ADK: variants seen among roughly 807,000 people sequenced by gnomAD.
The protein encoded by ADK is adenosine kinase, also known as N6,N6-dimethyladenosine kinase.
A neutral mutation model predicts 44.7 loss-of-function variants in ADK; 24 were observed. The ratio of observed to expected loss-of-function variants is 0.54; its 90% CI spans 0.39 to 0.76. ADK has a LOEUF of 0.76. Among genes scored for constraint, ADK ranks in the 30% least tolerant of loss-of-function variants. The pLI, the probability that ADK is intolerant of heterozygous loss-of-function variation, is 0.00. For synonymous variants in ADK, 128 were observed against 142.6 expected (o/e 0.90, Z 0.73); for missense variants, 321 against 425.1 (o/e 0.76, Z 2.15).
At chr10:74,311,405 G>GC (rs1271584898) in intron 3 of ADK, among the ~76,000 whole-genome samples, 1 of 152,126 alleles carries the variant, frequency 6.6e-6, no homozygotes, top group Non-Finnish European at 1.5e-5. Flanking sequence ...GACTAATTCT[G>GC]CTATTCTTCA....
intron 4 of ADK, among the ~76,000 whole-genome samples, chr10:74,356,340 T>G (rs1299442502): frequency 1.3e-5 from 2 of 152,168 alleles, no homozygotes; most frequent in Non-Finnish European, 2.9e-5. Context: ...TGTTAATACC[T>G]CAACCATATC....
chr10:74,691,803 AT>A (rs1025448343), intron 10 of ADK, among the ~76,000 whole-genome samples: 8 of 152,088 alleles, frequency 5.3e-5, no homozygotes, highest in Non-Finnish European at 7.4e-5. Context: ...AATACTAAGA[AT>A]TTTTTTTAAT....
chr10:74,211,846 T>C (rs1219759629), intron 2 of ADK, among the ~76,000 whole-genome samples: 3 of 152,302 alleles, frequency 2.0e-5, no homozygotes, highest in Admixed American at 2.0e-4. Context: ...TCTTTTTATA[T>C]GTTTATATTT....
At chr10:74,377,311 A>C (rs1302646727) in intron 4 of ADK, among the ~76,000 whole-genome samples, 1 of 152,218 alleles carries the variant, frequency 6.6e-6, no homozygotes, top group East Asian at 1.9e-4. Flanking sequence ...GGATTAGATC[A>C]AAAGTAGCCA....
rs1477975545 is a variant in ADK, at chr10:74,350,984, A to G, written c.273+36239A>G. Among the ~76,000 whole-genome samples the G allele has an allele frequency of 2.0e-5, 3 of 152,194 alleles. No individual in the cohort carries two copies. In the East Asian group the frequency reaches 5.8e-4, roughly 29 times the overall value. On this transcript the variant is annotated intron_variant, in intron 4 of 10. Coordinates refer to ENST00000539909, the MANE Select transcript of ADK (RefSeq NM_006721.4). ...CCAGGACCATACAGATTCACATCCGAATTCTACCAGAGGTTCAAAGAGGAG... is the reference window on the plus strand; with the variant it reads ...CCAGGACCATACAGATTCACATCCGGATTCTACCAGAGGTTCAAAGAGGAG...
intron 6 of ADK, among the ~76,000 whole-genome samples, chr10:74,509,064 A>G (rs1288310382): frequency 6.6e-6 from 1 of 152,108 alleles, no homozygotes; most frequent in Non-Finnish European, 1.5e-5. Flanking sequence ...TCCTGGCCTC[A>G]CCCTATCCTC....
At chr10:74,445,454 A>G (rs1482158249) in intron 6 of ADK, among the ~76,000 whole-genome samples, 1 of 152,028 alleles carries the variant, frequency 6.6e-6, no homozygotes, top group East Asian at 1.9e-4. Flanking sequence ...AGTAATTCCT[A>G]CATTCCTTAT....
At chr10:74,177,584 A>G (rs1326480172) in intron 1 of ADK, among the ~76,000 whole-genome samples, 1 of 152,168 alleles carries the variant, frequency 6.6e-6, no homozygotes, top group Non-Finnish European at 1.5e-5. Flanking sequence ...ACTTTCTCCC[A>G]GTAGCCTTGA....
At chr10:74,541,799 C>T (rs1262543706) in intron 7 of ADK, among the ~76,000 whole-genome samples, 1 of 132,728 alleles carries the variant, frequency 7.5e-6, no homozygotes, top group East Asian at 2.5e-4. Context: ...CACACACCCC[C>T]CCCCCCTAAA....
At chr10:74,271,320 A>C (rs1846419855) in intron 3 of ADK, among the ~76,000 whole-genome samples, 2 of 152,064 alleles carry the variant, frequency 1.3e-5, no homozygotes, top group South Asian at 4.2e-4. Context: ...TTAAGCATTT[A>C]ACTTATTTAC....
rs573679937 is a variant in ADK, at chr10:74,566,269, C to T, written c.727-23013C>T. On this transcript the variant is annotated intron_variant, in intron 7 of 10. Transcript: ENST00000539909. ...TCACCCAGGCTAGAGTGCAGTGGCA[C>T]GATCACAGCTCACTGCAGCCTCCAA... Among the ~76,000 whole-genome samples the T allele has an allele frequency of 2.3e-3, 323 of 143,506 alleles. 1 individual carries two copies. The highest frequency in any genetic ancestry group is 8.3e-3 in the African/African-American group (310 of 37,500). The allele number at this position is 143,506 out of a possible 152,430, so 94.1% of individuals were successfully genotyped here. A position where few individuals can be genotyped will look rare whatever the true frequency, so the allele number is the denominator to read the frequency against.
intron 4 of ADK, among the ~76,000 whole-genome samples, chr10:74,391,514 C>T (rs1397179190): frequency 1.3e-5 from 2 of 151,652 alleles, no homozygotes; most frequent in Admixed American, 1.3e-4. Context: ...TATATACATT[C>T]TAATATATGT....
At chr10:74,370,130 T>C (rs1245930965) in intron 4 of ADK, among the ~76,000 whole-genome samples, 1 of 152,190 alleles carries the variant, frequency 6.6e-6, no homozygotes. Flanking sequence ...AAAATAAGTG[T>C]GCAGATTCTT....
chr10:74,313,939 C>G (rs1459233281), intron 3 of ADK, among the ~76,000 whole-genome samples: 1 of 151,788 alleles, frequency 6.6e-6, no homozygotes, highest in African/African-American at 2.4e-5. Flanking sequence ...CTCAGGTAAT[C>G]CATCCAACTA....
intron 3 of ADK, among the ~76,000 whole-genome samples, chr10:74,263,625 C>T (rs1239523347): frequency 2.0e-5 from 3 of 152,074 alleles, no homozygotes; most frequent in Non-Finnish European, 4.4e-5. Flanking sequence ...CTGTCTTCAG[C>T]CCATTTTCTG....
intron 3 of ADK, among the ~76,000 whole-genome samples, chr10:74,282,335 G>A (rs1441023308): frequency 5.9e-5 from 9 of 152,166 alleles, no homozygotes; most frequent in South Asian, 2.1e-4. Flanking sequence ...CCTCATGAGC[G>A]TATTTGACTG....
intron 4 of ADK, among the ~76,000 whole-genome samples, chr10:74,315,297 A>G (rs1304094588): frequency 1.3e-5 from 2 of 152,160 alleles, no homozygotes; most frequent in Admixed American, 6.5e-5. Flanking sequence ...ATATATTCAT[A>G]CCTAAATATC....
At chr10:74,195,688 CTTTCTTTTTCTTTTCTTTCT>C (rs968107412) in intron 1 of ADK, among the ~76,000 whole-genome samples, 3 of 132,766 alleles carry the variant, frequency 2.3e-5, no homozygotes, top group African/African-American at 8.5e-5. Context: ...TTCTTTCTTT[CTTTCTTTTTCTTTTCTTTCT>C]TTTTTTTTTT....
Position 74,394,210 on chromosome 10 carries a change from A to G in ADK, c.343A>G (p.Ile115Val). The change falls in exon 5 of 11, where the codon ATC (isoleucine) becomes GTC (valine). Residue 115 changes from isoleucine (I) to valine (V), a missense_variant. Physicochemically the swap from Ile to Val is conservative, Grantham distance 29 (BLOSUM62 3). Transcript: ENST00000539909. ...GCIGIDKFGE[I>V]LKRKAAEAHV... The stretch of plus-strand genomic sequence containing the variant: ...CATTGGGATAGATAAATTTGGGGAG[A>G]TCCTGAAGAGAAAAGCTGCTGAAGC... 1 of 1,614,054 alleles carries G rather than the reference A, an allele frequency of 6.2e-7. No homozygotes were observed. The highest frequency in any genetic ancestry group is 8.5e-7 in the Non-Finnish European group (1 of 1,179,984).
Sources: allele counts gnomAD v4.1 joint callset (sites outside exome capture counted in the v4.1 genomes callset), GRCh38; gene constraint gnomAD v4.1.1; transcripts MANE v1.5; gene names NCBI Gene and HGNC (gene_info 2026-07-23, HGNC 2026-07-21).